The following NXN variants were observed in gnomAD, a reference collection of about 807,000 sequenced individuals.
The protein encoded by NXN is nucleoredoxin 1.
Under a neutral mutation model 48.6 loss-of-function variants are expected in NXN, and 16 were observed. The ratio of observed to expected loss-of-function variants is 0.33; its 90% CI spans 0.22 to 0.50. NXN has a LOEUF of 0.50. Ranked by LOEUF, NXN falls within the 20% of genes least tolerant of loss-of-function variation. The pLI is 0.98. For synonymous variants in NXN, 281 were observed against 269.6 expected (o/e 1.04, Z -0.41); for missense variants, 492 against 605.5 (o/e 0.81, Z 1.97).
intron 7 of NXN, among the ~76,000 whole-genome samples, chr17:802,216 G>A (rs1911248004): frequency 1.3e-5 from 2 of 152,050 alleles, no homozygotes; most frequent in Admixed American, 1.3e-4. Flanking sequence ...CCACCTCCTG[G>A]GCTCAAGCAA....
At chr17:974,829 ATTTAT>A (rs1405610455) in intron 1 of NXN, among the ~76,000 whole-genome samples, 1 of 151,784 alleles carries the variant, frequency 6.6e-6, no homozygotes, top group Non-Finnish European at 1.5e-5. Context: ...TTATTTATTT[ATTTAT>A]TTATTTATTT....
intron 5 of NXN, among the ~76,000 whole-genome samples, chr17:810,273 G>A (rs112286573): frequency 2.3e-5 from 3 of 132,226 alleles, no homozygotes; most frequent in African/African-American, 8.2e-5. Flanking sequence ...TGCACGTTAC[G>A]AGTCTGTGAG....
intron 1 of NXN, among the ~76,000 whole-genome samples, chr17:868,353 G>A (rs368431183): frequency 3.9e-5 from 6 of 152,146 alleles, no homozygotes; most frequent in South Asian, 2.1e-4. Context: ...CTCCCTGACC[G>A]TATCTCCCTC....
intron 6 of NXN, among the ~76,000 whole-genome samples, chr17:804,274 CTTTTTTTT>C (rs11325268): frequency 2.2e-5 from 2 of 88,960 alleles, no homozygotes; most frequent in African/African-American, 5.3e-5. Flanking sequence ...TGGTCAGCGG[CTTTTTTTT>C]TTTTTTTTTT....
At position 825,164 on chromosome 17, in the gene NXN, A is replaced by T. The variant is rs1257941730; in HGVS notation, c.478+797T>A. On this transcript the variant is annotated intron_variant, in intron 2 of 7. Coordinates refer to ENST00000336868, the MANE Select transcript of NXN (RefSeq NM_022463.5). The surrounding 1 kb of genome is among the most constrained non-coding windows in gnomAD (Gnocchi z 4.1). The stretch of plus-strand genomic sequence containing the variant: ...GCTCAGGAGGTCGAGGCTGCAGTGA[A>T]CCGGGATCATGCCACAGCACTCGGC... Among the ~76,000 whole-genome samples, 1 of 150,320 alleles carries T rather than the reference A, an allele frequency of 6.7e-6. No homozygotes were observed. Among genetic ancestry groups the T allele is most frequent in the Non-Finnish European group, 1.5e-5 (1 of 67,760 alleles).
chr17:826,420 A>T (rs1291397661), intron 1 of NXN, among the ~76,000 whole-genome samples: 1 of 152,148 alleles, frequency 6.6e-6, no homozygotes, highest in Non-Finnish European at 1.5e-5. Flanking sequence ...GCGGAGGCTG[A>T]TGGAGGACCA....
intron 1 of NXN, among the ~76,000 whole-genome samples, chr17:858,941 C>T (rs1382136733): frequency 6.6e-6 from 1 of 152,118 alleles, no homozygotes; most frequent in Non-Finnish European, 1.5e-5. Context: ...CAGGCAGGGG[C>T]CAATTTTCTG....
At chr17:862,055 T>A (rs1310086116) in intron 1 of NXN, among the ~76,000 whole-genome samples, 2 of 152,268 alleles carry the variant, frequency 1.3e-5, no homozygotes, top group Admixed American at 6.5e-5. Flanking sequence ...GGTCTCGAAC[T>A]CCTGAGCTCA....
At chr17:856,505 T>TTTTTTTTTTTG (rs1490959130) in intron 1 of NXN, among the ~76,000 whole-genome samples, 4 of 138,410 alleles carry the variant, frequency 2.9e-5, no homozygotes, top group Admixed American at 7.1e-5. Flanking sequence ...TTTTTTTTTT[T>TTTTTTTTTTTG]TTTGAGACTG....
chr17:803,476 G>T (rs1911313485), intron 7 of NXN, among the ~76,000 whole-genome samples: 1 of 152,222 alleles, frequency 6.6e-6, no homozygotes, highest in Admixed American at 6.5e-5. Flanking sequence ...TGCCGAGCAT[G>T]GACGGGAAGA....
chr17:972,267 A>T (rs2069392854), intron 1 of NXN, among the ~76,000 whole-genome samples: 1 of 151,070 alleles, frequency 6.6e-6, no homozygotes, highest in Non-Finnish European at 1.5e-5. Context: ...GTGTCATTGC[A>T]CTCCAGCCTG....
intron 5 of NXN, among the ~76,000 whole-genome samples, chr17:805,605 G>A (rs1393724741): frequency 6.6e-6 from 1 of 152,196 alleles, no homozygotes; most frequent in Non-Finnish European, 1.5e-5. Context: ...GGGAGGCTGA[G>A]GTGGATGGAT....
At position 931,298 on chromosome 17, in the gene NXN, A is replaced by T. The variant is rs1387774650; in HGVS notation, c.360+48021T>A. 8.6e-5 allele frequency among the ~76,000 whole-genome samples: 13 copies of T among 150,770 alleles called. No individual in the cohort carries two copies. In the Admixed American group the frequency reaches 8.6e-4, roughly 10 times the overall value. On this transcript the variant is annotated intron_variant, in intron 1 of 7. Coordinates refer to ENST00000336868, the MANE Select transcript of NXN (RefSeq NM_022463.5). ...CGAGACTCCATCCAAAAAAAAAAAA[A>T]AAAAATTAGCTGGGTGTGGTGGTGT...
chr17:906,737 T>TC (rs1044008369), intron 1 of NXN, among the ~76,000 whole-genome samples: 6 of 150,930 alleles, frequency 4.0e-5, no homozygotes, highest in African/African-American at 1.2e-4. Flanking sequence ...CGGACAACTT[T>TC]TTTTTTTTTT....
In NXN at chr17:853,911, G is replaced by A. The variant is rs139943913; in HGVS notation, c.361-27833C>T. Reference sequence around the variant, plus strand: ...TAAGTTTTGCATTTTTATTAGACACGGGGTTTCTCCATGTTAGCCAGGATG... The same window carrying A: ...TAAGTTTTGCATTTTTATTAGACACAGGGTTTCTCCATGTTAGCCAGGATG... On this transcript the variant is annotated intron_variant, in intron 1 of 7. Transcript: ENST00000336868. Among the ~76,000 whole-genome samples the A allele has an allele frequency of 3.6e-4, 55 of 151,532 alleles. 1 individual carries two copies. In the East Asian group the frequency reaches 9.6e-3, roughly 27 times the overall value.
At chr17:872,611 ATCTTTTTT>A (rs1160214584) in intron 1 of NXN, among the ~76,000 whole-genome samples, 1 of 117,272 alleles carries the variant, frequency 8.5e-6, no homozygotes, top group African/African-American at 3.6e-5. Context: ...TCCGGGTGAG[ATCTTTTTT>A]TTTTTTTTTT....
At chr17:819,643 G>T in intron 4 of NXN, 98 bp from the exon 5 acceptor site, 1 of 859,064 alleles carries the variant, frequency 1.2e-6, no homozygotes. Flanking sequence ...GGATTCTGCA[G>T]AAGCCGGGGT....
intron 1 of NXN, among the ~76,000 whole-genome samples, chr17:871,146 C>G (rs1286051730): frequency 2.0e-5 from 3 of 152,070 alleles, no homozygotes; most frequent in Admixed American, 6.6e-5. Context: ...CAGGCGTGAG[C>G]CACCGTGCCC....
intron 1 of NXN, among the ~76,000 whole-genome samples, chr17:931,585 C>T (rs2068853842): frequency 6.6e-6 from 1 of 151,442 alleles, no homozygotes; most frequent in African/African-American, 2.4e-5. Flanking sequence ...ACCTGTAATC[C>T]CAGCACTTTG....
Sources: allele counts gnomAD v4.1 joint callset (sites outside exome capture counted in the v4.1 genomes callset), GRCh38; gene constraint gnomAD v4.1.1; non-coding constraint Gnocchi (gnomAD v3.1); transcripts MANE v1.5; gene names NCBI Gene and HGNC (gene_info 2026-07-23, HGNC 2026-07-21).